Variants in CDH18 observed in about 807,000 individuals in gnomAD.
CDH18 encodes cadherin-18.
CDH18 carries 31 observed loss-of-function variants against 67.9 expected under a neutral mutation model. The ratio of observed to expected loss-of-function variants is 0.46; its 90% CI spans 0.34 to 0.62. CDH18 has a LOEUF of 0.62. CDH18 is among the 20% of genes least tolerant of loss of function. CDH18 has a pLI of 0.01. For synonymous variants in CDH18, 362 were observed against 347.2 expected, an observed-to-expected ratio of 1.04 and a Z score of -0.48; for missense variants, 890 against 975.5, an observed-to-expected ratio of 0.91 and a Z score of 1.17.
At chr5:19,484,928 GA>G (rs1226387251) in intron 11 of CDH18, among the ~76,000 whole-genome samples, 5 of 152,166 alleles carry the variant, frequency 3.3e-5, no homozygotes, top group African/African-American at 1.2e-4. Flanking sequence ...TGGGTCATTA[GA>G]CAATTACAAT....
intron 2 of CDH18, among the ~76,000 whole-genome samples, chr5:20,157,658 T>TC (rs1207011699): frequency 6.6e-6 from 1 of 151,956 alleles, no homozygotes; most frequent in East Asian, 1.9e-4. Context: ...TTTTTTTTTT[T>TC]TCAAGACAGA....
intron 2 of CDH18, among the ~76,000 whole-genome samples, chr5:19,865,854 C>T (rs1785425516): frequency 6.6e-6 from 1 of 152,130 alleles, no homozygotes; most frequent in South Asian, 2.1e-4. Flanking sequence ...CAGGTTCTAA[C>T]TAGGGAGTAC....
chr5:19,856,011 C>T (rs1230792177), intron 2 of CDH18, among the ~76,000 whole-genome samples: 1 of 152,184 alleles, frequency 6.6e-6, no homozygotes, highest in African/African-American at 2.4e-5. Context: ...GGAATGCTCA[C>T]AGCAAAAGAC....
chr5:19,749,464 T>G (rs1241348461), intron 3 of CDH18, among the ~76,000 whole-genome samples: 1 of 151,544 alleles, frequency 6.6e-6, no homozygotes, highest in Non-Finnish European at 1.5e-5. Flanking sequence ...TGTATATGTG[T>G]GTATACATAT....
rs114823863 is a variant in CDH18, at chr5:20,485,861, T to G, written c.-580+89601A>C. Among the ~76,000 whole-genome samples the G allele has an allele frequency of 5.9e-3, 897 of 152,318 alleles. 13 individuals carry two copies. Among genetic ancestry groups the G allele is most frequent in the African/African-American group, 0.021 (860 of 41,582 alleles). ...GCAATTTCATAGCACATATATGATG[T>G]ATATGAGCATAATATTTAAACCAGG... is the stretch of plus-strand genomic sequence containing the variant. On this transcript the variant is annotated intron_variant, in intron 1 of 14. Transcript: ENST00000507958.
intron 1 of CDH18, among the ~76,000 whole-genome samples, chr5:20,487,502 A>G (rs935401455): frequency 6.0e-5 from 9 of 150,904 alleles, no homozygotes; most frequent in Non-Finnish European, 1.3e-4. Flanking sequence ...GAAAATAAAT[A>G]CAAAATATAT....
At chr5:20,296,267 T>TG (rs1472145557) in intron 1 of CDH18, among the ~76,000 whole-genome samples, 1 of 151,440 alleles carries the variant, frequency 6.6e-6, no homozygotes, top group African/African-American at 2.4e-5. Flanking sequence ...TTTTGTTTTT[T>TG]TTTTGAGAGG....
intron 2 of CDH18, among the ~76,000 whole-genome samples, chr5:19,861,881 G>C (rs1784946706): frequency 6.6e-6 from 1 of 152,136 alleles, no homozygotes; most frequent in Non-Finnish European, 1.5e-5. Context: ...CTATTTGACT[G>C]GGTATTGAAA....
chr5:19,734,188 G>A (rs1213889018), intron 4 of CDH18, among the ~76,000 whole-genome samples: 1 of 152,154 alleles, frequency 6.6e-6, no homozygotes, highest in Non-Finnish European at 1.5e-5. Flanking sequence ...AAAAAAAGCA[G>A]CTGGTTGATT....
At chr5:20,272,953 T>C (rs1310542903) in intron 1 of CDH18, among the ~76,000 whole-genome samples, 1 of 152,074 alleles carries the variant, frequency 6.6e-6, no homozygotes. Flanking sequence ...GTAATGTTAA[T>C]GCACACGGGC....
chr5:19,621,367 T>C (rs978218583), intron 5 of CDH18, among the ~76,000 whole-genome samples: 21 of 152,122 alleles, frequency 1.4e-4, no homozygotes, highest in Non-Finnish European at 1.9e-4. Flanking sequence ...TTTTTGATGA[T>C]AGCCATCCTA....
intron 2 of CDH18, among the ~76,000 whole-genome samples, chr5:20,176,333 T>C (rs949964945): frequency 6.6e-5 from 10 of 152,312 alleles, no homozygotes; most frequent in African/African-American, 2.4e-4. Flanking sequence ...TGATATCTGA[T>C]ATTTTTCTTG....
intron 2 of CDH18, among the ~76,000 whole-genome samples, chr5:19,905,933 C>A (rs1040744477): frequency 1.3e-5 from 2 of 151,988 alleles, no homozygotes; most frequent in Admixed American, 6.6e-5. Context: ...AGTTAGCCAT[C>A]CTCAGTAATA....
In CDH18 at chr5:19,838,851, C is replaced by G. The variant is rs372817208; in HGVS notation, c.136G>C (p.Glu46Gln). The change falls in exon 3 of 13, where the codon GAA (glutamate) becomes CAA (glutamine). Residue 46 changes from glutamate (E) to glutamine (Q), a missense_variant. Around this residue, in one of 2 missense-constraint regions of CDH18, gnomAD observed 234 missense variants for 307.4 expected, o/e 0.76. Coordinates refer to ENST00000382275, the MANE Select transcript of CDH18 (RefSeq NM_004934.5). ...NQTKHIEGET[E>Q]VHHRPKRGWV... ...CCCCTTTTGGGACGATGATGGACTT[C>G]GGTTTCACCTTCAATGTGTTTGGTT... is the stretch of plus-strand genomic sequence containing the variant. The G allele has an allele frequency of 1.9e-6, 3 of 1,613,954 alleles. No individual in the cohort carries two copies. In the African/African-American group the frequency reaches 4.0e-5, roughly 22 times the overall value.
At chr5:20,337,127 T>G (rs2150036976) in intron 1 of CDH18, among the ~76,000 whole-genome samples, 2 of 152,342 alleles carry the variant, frequency 1.3e-5, no homozygotes, top group Admixed American at 1.3e-4. Context: ...ACTTTCCTTT[T>G]GCTTAATCAA....
chr5:19,685,025 T>A (rs936369626), intron 5 of CDH18, among the ~76,000 whole-genome samples: 4 of 152,144 alleles, frequency 2.6e-5, no homozygotes, highest in African/African-American at 4.8e-5. Context: ...ACGTGACATG[T>A]CCTAACCTGA....
chr5:20,403,511 C>T (rs114881926), intron 1 of CDH18, among the ~76,000 whole-genome samples: 3,430 of 152,246 alleles, frequency 0.023, 66 homozygotes, highest in Admixed American at 0.045. Context: ...ATGAAAACAA[C>T]ATTAATCTAC....
At position 20,301,606 on chromosome 5, in the gene CDH18, G is replaced by A. The variant is rs369716915; in HGVS notation, c.-579-46101C>T. Among the ~76,000 whole-genome samples the A allele has an allele frequency of 3.3e-4, 51 of 152,254 alleles. No individual in the cohort carries two copies. The South Asian group carries it at 9.7e-3, about 29-fold the overall frequency. ...TAGGAGTTTGCAAAGCCTTCAAAAT[G>A]TATTGTGCTTGAATTTTGACTCTTC... On this transcript the variant is annotated intron_variant, in intron 1 of 14. Coordinates refer to the CDH18 transcript ENST00000507958.
chr5:20,077,954 A>T (rs939590001), intron 2 of CDH18, among the ~76,000 whole-genome samples: 3 of 152,210 alleles, frequency 2.0e-5, no homozygotes, highest in Admixed American at 1.3e-4. Flanking sequence ...ATGAAATGTC[A>T]ACTTCTCCAA....
Sources: allele counts gnomAD v4.1 joint callset (sites outside exome capture counted in the v4.1 genomes callset), GRCh38; gene constraint gnomAD v4.1.1; regional missense constraint gnomAD v4.1.1; transcripts MANE v1.5; gene names NCBI Gene and HGNC (gene_info 2026-07-23, HGNC 2026-07-21).